The following MICAL2 variants were observed in gnomAD, a reference collection of about 807,000 sequenced individuals.
The protein encoded by MICAL2 is microtubule associated monooxygenase, calponin and LIM domain containing 2.
Under a neutral mutation model 127.3 loss-of-function variants are expected in MICAL2, and 77 were observed. The ratio of observed to expected loss-of-function variants is 0.60; its 90% confidence interval spans 0.50 to 0.73. The LOEUF is 0.73. Among genes scored for constraint, MICAL2 ranks in the 30% least tolerant of loss-of-function variants. The pLI, the probability that MICAL2 is intolerant of heterozygous loss-of-function variation, is 0.00. For synonymous variants in MICAL2, 570 were observed against 551.1 expected (o/e 1.03, Z -0.48); for missense variants, 1,351 against 1,434.4 (o/e 0.94, Z 0.94).
intron 2 of MICAL2, among the ~76,000 whole-genome samples, chr11:12,140,106 A>T (rs1251684075): frequency 6.6e-6 from 1 of 152,238 alleles, no homozygotes; most frequent in Non-Finnish European, 1.5e-5. Flanking sequence ...AATTACAGAG[A>T]ATGTGATGCT....
chr11:12,208,201 G>A (rs1854975545), intron 5 of MICAL2, 62 bp downstream of exon 5: 3 of 1,320,418 alleles, frequency 2.3e-6, no homozygotes, highest in South Asian at 1.2e-5. Flanking sequence ...AATTCCACTT[G>A]CTGCTTCCAA....
intron 32 of MICAL2, among the ~76,000 whole-genome samples, chr11:12,336,406 A>G (rs1407488110): frequency 6.6e-6 from 1 of 152,094 alleles, no homozygotes; most frequent in African/African-American, 2.4e-5. Context: ...CAAACAGGGA[A>G]ATTTGACTTC....
At chr11:12,207,093 T>G (rs7946515) in intron 4 of MICAL2, among the ~76,000 whole-genome samples, 1 of 152,012 alleles carries the variant, frequency 6.6e-6, no homozygotes, top group East Asian at 1.9e-4. Flanking sequence ...CCCCCAAGTT[T>G]ATTGGGCTCT....
At chr11:12,276,915 A>G (rs1490466281) in intron 1 of MICAL2, among the ~76,000 whole-genome samples, 1 of 152,190 alleles carries the variant, frequency 6.6e-6, no homozygotes, top group Non-Finnish European at 1.5e-5. Context: ...TATGCTAGAG[A>G]GTGGCTGGTC....
chr11:12,132,546 A>G (rs7105164), intron 1 of MICAL2, among the ~76,000 whole-genome samples: 7,161 of 152,310 alleles, frequency 0.047, 561 homozygotes, highest in African/African-American at 0.16. Context: ...TGACTGGGGC[A>G]ACCACTCTCT....
At chr11:12,309,272 A>G (rs1255141701) in intron 29 of MICAL2, among the ~76,000 whole-genome samples, 2 of 152,160 alleles carry the variant, frequency 1.3e-5, no homozygotes, top group African/African-American at 4.8e-5. Context: ...ATCAAACATT[A>G]TAACTTATTT....
At chr11:12,295,836 TTATATTTGTATATATGTTATATA>T (rs1199287792), downstream of MICAL2, among the ~76,000 whole-genome samples, 1 of 152,180 alleles carries the variant, frequency 6.6e-6, no homozygotes, top group Admixed American at 6.5e-5. Context: ...TATTGTTAAC[TTATATTTGTATATATGTTATATA>T]TGCATATATT....
At chr11:12,286,104 T>A (rs1012928426) in intron 2 of MICAL2, among the ~76,000 whole-genome samples, 1 of 152,174 alleles carries the variant, frequency 6.6e-6, no homozygotes, top group African/African-American at 2.4e-5. Flanking sequence ...CTGCATGTGA[T>A]GTTCATTTTG....
chr11:12,230,720 C>CG (rs909558360), intron 15 of MICAL2, among the ~76,000 whole-genome samples: 15 of 151,894 alleles, frequency 9.9e-5, no homozygotes, highest in African/African-American at 1.9e-4. Context: ...TCTTTCCCCC[C>CG]CCATCTTATT....
Position 12,243,756 on chromosome 11 carries a change from C to T in MICAL2, c.2659-231C>T, listed in dbSNP as rs76064778. On this transcript the variant is annotated intron_variant, in intron 20 of 27. Coordinates refer to ENST00000683283, the MANE Select transcript of MICAL2 (RefSeq NM_001282663.2). ...CAGGAACAGATTGAATCTGCATGAG[C>T]TATTTCGGTGTGACAAGGGAGCTGG... 3.2e-3 allele frequency among the ~76,000 whole-genome samples: 493 copies of T among 152,296 alleles called. 3 individuals carry two copies. Among genetic ancestry groups the T allele is most frequent in the African/African-American group, 0.011 (471 of 41,566 alleles).
At chr11:12,279,604 A>G (rs1863751592) in intron 1 of MICAL2, among the ~76,000 whole-genome samples, 1 of 152,142 alleles carries the variant, frequency 6.6e-6, no homozygotes, top group Admixed American at 6.6e-5. Context: ...GGCTCGTCTG[A>G]CTGGGAAGTC....
intron 31 of MICAL2, among the ~76,000 whole-genome samples, chr11:12,326,595 T>C (rs1007031806): frequency 6.6e-6 from 1 of 152,174 alleles, no homozygotes; most frequent in African/African-American, 2.4e-5. Flanking sequence ...GAAAGAACGC[T>C]GGGCATCTGC....
rs1294758526 is a variant in MICAL2, at chr11:12,345,131, AAAAGAAAG to A, written c.5516-4693_5516-4686del. Among the ~76,000 whole-genome samples, 4 of 151,020 alleles carry A rather than the reference AAAAGAAAG, an allele frequency of 2.6e-5. No individual in the cohort carries two copies. The South Asian group carries it at 6.2e-4, about 24-fold the overall frequency. ...GAATCCATCTCAAAAAAAAAAAGAAAAAAGAAAGAAAGAAAGAAAGATTGTGAGTATTT... is the reference window on the plus strand; with the variant it reads ...GAATCCATCTCAAAAAAAAAAAGAAAAAAGAAAGAAAGATTGTGAGTATTT... On this transcript the variant is annotated intron_variant, in intron 32 of 34. Transcript: ENST00000646065.
rs1938898983 is a variant in MICAL2, at chr11:12,343,274, G to A, written c.5516-6564G>A. Among the ~76,000 whole-genome samples the A allele has an allele frequency of 2.0e-5, 3 of 151,942 alleles. No homozygotes were observed. In the South Asian group the frequency reaches 6.2e-4, roughly 32 times the overall value. On this transcript the variant is annotated intron_variant, in intron 32 of 34. Coordinates refer to the MICAL2 transcript ENST00000646065. The stretch of plus-strand genomic sequence containing the variant: ...AATACAAAAATTAGCCAGGCATGGT[G>A]GCAGGTGCTTGTAATCTCAGCTACT...
intron 29 of MICAL2, among the ~76,000 whole-genome samples, chr11:12,298,586 C>T (rs2134799310): frequency 6.6e-6 from 1 of 152,176 alleles, no homozygotes; most frequent in East Asian, 1.9e-4. Context: ...GAGAATGCTG[C>T]TGGTGTTTTT....
intron 6 of MICAL2, among the ~76,000 whole-genome samples, chr11:12,210,831 G>T (rs1300960306): frequency 6.6e-6 from 1 of 152,158 alleles, no homozygotes; most frequent in East Asian, 1.9e-4. Context: ...GACGTTTGGG[G>T]CCACACCATT....
chr11:12,187,809 C>T (rs765321689), intron 3 of MICAL2, among the ~76,000 whole-genome samples: 4 of 151,492 alleles, frequency 2.6e-5, no homozygotes, highest in Admixed American at 6.6e-5. Context: ...GTGGGCTTCC[C>T]AGGGCACCCT....
chr11:12,301,338 CT>C (rs145013184), intron 29 of MICAL2, among the ~76,000 whole-genome samples: 1 of 152,252 alleles, frequency 6.6e-6, no homozygotes, highest in African/African-American at 2.4e-5. Flanking sequence ...GTGGTTTGTT[CT>C]TTTCCATTGC....
chr11:12,275,903 T>G (rs1863718276), upstream of MICAL2: 1 of 398,486 alleles, frequency 2.5e-6, no homozygotes, highest in South Asian at 1.3e-4. Flanking sequence ...ACCCCAGGCC[T>G]AGAGGGGCCC....
Sources: gnomAD v4.1 joint callset for allele counts (sites outside exome capture counted in the v4.1 genomes callset) on GRCh38, gnomAD v4.1.1 for gene constraint, MANE v1.5 for transcripts, NCBI Gene and HGNC (gene_info 2026-07-23, HGNC 2026-07-21) for gene names.